Variants in KCNQ5 observed in about 807,000 individuals in gnomAD.
The protein encoded by KCNQ5 is potassium voltage-gated channel subfamily KQT member 5.
KCNQ5 carries 30 observed loss-of-function variants against 98.2 expected under a neutral mutation model. That is an observed-to-expected ratio of 0.31 (90% CI 0.23 to 0.41). The LOEUF is 0.41. KCNQ5 is among the 10% of genes least tolerant of loss of function. KCNQ5 has a pLI of 1.00. For synonymous variants in KCNQ5, 458 were observed against 449.4 expected (o/e 1.02, Z -0.24); for missense variants, 835 against 1,182.5 (o/e 0.71, Z 4.31).
chr6:73,024,512 GA>G (rs914621838), intron 2 of KCNQ5, among the ~76,000 whole-genome samples: 62 of 148,872 alleles, frequency 4.2e-4, no homozygotes, highest in Admixed American at 1.7e-3. Flanking sequence ...AAATCTCCAA[GA>G]AAAAAAAAAT....
chr6:72,941,300 TCTTC>T (rs138041794), intron 1 of KCNQ5, among the ~76,000 whole-genome samples: 50,631 of 146,600 alleles, frequency 0.35, 10,834 homozygotes, highest in Admixed American at 0.51. Flanking sequence ...GCCCTGCTCA[TCTTC>T]CTTCCTTCCT....
Position 73,194,558 on chromosome 6 carries a change from C to T in KCNQ5, c.1943C>T (p.Pro648Leu). 6 of 1,614,204 alleles carry T rather than the reference C, an allele frequency of 3.7e-6. No homozygotes were observed. Among genetic ancestry groups the T allele is most frequent in the Non-Finnish European group, 5.1e-6 (6 of 1,180,028 alleles). The change falls in exon 14 of 14, where the codon CCT (proline) becomes CTT (leucine). Residue 648 changes from proline (P) to leucine (L), a missense_variant. Physicochemically the swap from Pro to Leu is moderately conservative, Grantham distance 98. Around this residue, in one of 10 missense-constraint regions of KCNQ5, gnomAD observed 416 missense variants for 446.9 expected, o/e 0.93. Transcript: ENST00000370398. Reference sequence around the variant, plus strand: ...GCTTTGGCTTCATTCCAGATCCCACCTTTTGAATGTGAACAGACATCTGAC... The same window carrying T: ...GCTTTGGCTTCATTCCAGATCCCACTTTTTGAATGTGAACAGACATCTGAC... ...ALALASFQIP[P>L]FECEQTSDYQ...
chr6:73,193,873 G>A (rs1041672795), intron 13 of KCNQ5, among the ~76,000 whole-genome samples: 9 of 137,454 alleles, frequency 6.5e-5, no homozygotes, highest in Non-Finnish European at 1.1e-4. Flanking sequence ...GGACTTCTCT[G>A]TCACCCAGGC....
chr6:73,050,298 G>GGAAA (rs1452091689), intron 3 of KCNQ5, among the ~76,000 whole-genome samples: 5 of 135,008 alleles, frequency 3.7e-5, no homozygotes, highest in Non-Finnish European at 8.0e-5. Flanking sequence ...AAGGAAGGAA[G>GGAAA]GAAGGAAGGA....
intron 2 of KCNQ5, among the ~76,000 whole-genome samples, chr6:73,016,543 A>G (rs1040373332): frequency 3.8e-4 from 58 of 152,280 alleles, no homozygotes; most frequent in African/African-American, 1.1e-3. Flanking sequence ...GGAATCATGG[A>G]TATGGCACCA....
At chr6:72,978,596 G>A (rs1386039472) in intron 1 of KCNQ5, among the ~76,000 whole-genome samples, 1 of 152,126 alleles carries the variant, frequency 6.6e-6, no homozygotes, top group Non-Finnish European at 1.5e-5. Context: ...TCTTCTCAAG[G>A]CAGTTGTGAT....
intron 1 of KCNQ5, among the ~76,000 whole-genome samples, chr6:72,739,830 G>T (rs1195321764): frequency 1.3e-5 from 2 of 152,160 alleles, no homozygotes; most frequent in African/African-American, 4.8e-5. Context: ...TATAAAATGA[G>T]AAAATAAAAT....
At position 72,707,143 on chromosome 6, in the gene KCNQ5, T is replaced by C. The variant is rs964998785; in HGVS notation, c.398+84556T>C. Among the ~76,000 whole-genome samples, 7 of 152,252 alleles carry C rather than the reference T, an allele frequency of 4.6e-5. No individual in the cohort carries two copies. In the South Asian group the frequency reaches 1.2e-3, roughly 27 times the overall value. On this transcript the variant is annotated intron_variant, in intron 1 of 13. Transcript: ENST00000370398. ...TAGCTACTTCATAAATGCTTTTGGC[T>C]ATGCGTGCATATTCACAAAGCCACC...
In KCNQ5 at chr6:73,053,192, A is replaced by T. The variant is rs895030897; in HGVS notation, c.616+11130A>T. Among the ~76,000 whole-genome samples the T allele has an allele frequency of 2.0e-5, 3 of 152,202 alleles. No individual in the cohort carries two copies. In the East Asian group the frequency reaches 5.8e-4, roughly 29 times the overall value. On this transcript the variant is annotated intron_variant, in intron 3 of 13. Coordinates refer to ENST00000370398, the MANE Select transcript of KCNQ5 (RefSeq NM_019842.4). ...TAAAGGGTTCACCTCAAAAGGCCAG[A>T]CTTAACTATCCTAAATAGATATGCA...
chr6:72,755,355 T>C (rs1436148945), intron 1 of KCNQ5, among the ~76,000 whole-genome samples: 1 of 152,120 alleles, frequency 6.6e-6, no homozygotes, highest in Admixed American at 6.6e-5. Flanking sequence ...ATTATCAATA[T>C]GGTAAACTTA....
intron 1 of KCNQ5, among the ~76,000 whole-genome samples, chr6:72,980,907 G>A (rs561310250): frequency 1.4e-4 from 21 of 152,250 alleles, no homozygotes; most frequent in South Asian, 1.2e-3. Context: ...TTCTGCATCT[G>A]TTGAGATAAT....
intron 1 of KCNQ5, among the ~76,000 whole-genome samples, chr6:72,994,636 G>T (rs1248025519): frequency 4.0e-5 from 6 of 151,706 alleles, no homozygotes; most frequent in Non-Finnish European, 7.4e-5. Context: ...CGCTCACGCT[G>T]GGAGCTGTAG....
intron 7 of KCNQ5, among the ~76,000 whole-genome samples, chr6:73,113,020 A>T (rs1171414298): frequency 2.0e-5 from 3 of 151,744 alleles, no homozygotes; most frequent in Admixed American, 2.0e-4. Context: ...GAGAAAGTAA[A>T]CTCTATTTTC....
chr6:73,011,114 A>G (rs1486173467), intron 2 of KCNQ5, among the ~76,000 whole-genome samples: 1 of 152,086 alleles, frequency 6.6e-6, no homozygotes, highest in African/African-American at 2.4e-5. Flanking sequence ...TTATTTTAAA[A>G]CTTACTACTA....
At chr6:72,771,312 T>C (rs903842116) in intron 1 of KCNQ5, among the ~76,000 whole-genome samples, 2 of 152,078 alleles carry the variant, frequency 1.3e-5, no homozygotes, top group Non-Finnish European at 2.9e-5. Context: ...TAAATATATC[T>C]TGACTTAAAT....
chr6:73,132,297 A>T (rs1461464617), intron 9 of KCNQ5, among the ~76,000 whole-genome samples: 1 of 152,048 alleles, frequency 6.6e-6, no homozygotes, highest in Non-Finnish European at 1.5e-5. Flanking sequence ...CCTCAGACTC[A>T]TTGCCCAGGA....
chr6:72,906,148 C>A (rs1421671800), intron 1 of KCNQ5, among the ~76,000 whole-genome samples: 9 of 152,060 alleles, frequency 5.9e-5, no homozygotes, highest in Admixed American at 4.6e-4. Flanking sequence ...GCTGCCACTG[C>A]TGAGTCATGC....
intron 13 of KCNQ5, among the ~76,000 whole-genome samples, 177 bp downstream of exon 13, chr6:73,192,868 C>T (rs1765643021): frequency 6.6e-6 from 1 of 151,636 alleles, no homozygotes; most frequent in Admixed American, 6.6e-5. Context: ...TCTGGATTTC[C>T]CTTTAAGGAA....
At chr6:73,175,155 G>GC (rs1562220486) in intron 11 of KCNQ5, among the ~76,000 whole-genome samples, 1 of 146,514 alleles carries the variant, frequency 6.8e-6, no homozygotes, top group African/African-American at 2.5e-5. Flanking sequence ...TGGAAGAGCA[G>GC]TTTTTTTTTT....
Sources: allele counts gnomAD v4.1 joint callset (sites outside exome capture counted in the v4.1 genomes callset), GRCh38; gene constraint gnomAD v4.1.1; regional missense constraint gnomAD v4.1.1; transcripts MANE v1.5; gene names NCBI Gene and HGNC (gene_info 2026-07-23, HGNC 2026-07-21).